The following PDE3A variants were observed in gnomAD, a reference collection of about 807,000 sequenced individuals.
PDE3A encodes the protein phosphodiesterase 3A.
PDE3A carries 43 observed loss-of-function variants against 98.3 expected under a neutral mutation model. The ratio of observed to expected loss-of-function variants is 0.44; its 90% CI spans 0.34 to 0.56. PDE3A has a LOEUF of 0.56. Ranked by LOEUF, PDE3A falls within the 20% of genes least tolerant of loss-of-function variation. The pLI is 0.01. For missense variants in PDE3A, 1,427 were observed against 1,440.7 expected (o/e 0.99, Z 0.15); for synonymous variants, 663 against 567.9 (o/e 1.17, Z -2.38).
rs1265923346 is a variant in PDE3A at position 20,448,751 on chromosome 12, G to GTTTTTTTTTTTT, written c.960+78507_960+78508insTTTTTTTTTTTT. On this transcript the variant is annotated intron_variant, in intron 1 of 15. Coordinates refer to ENST00000359062, the MANE Select transcript of PDE3A (RefSeq NM_000921.5). Reference sequence around the variant, plus strand: ...ACATTATTTAAAGTTTTTATTTTAAGGTTTTTTTTTTTTTTTGAGATGGAG... The same window carrying GTTTTTTTTTTTT: ...ACATTATTTAAAGTTTTTATTTTAAGTTTTTTTTTTTTGTTTTTTTTTTTTTTTGAGATGGAG... Among the ~76,000 whole-genome samples the GTTTTTTTTTTTT allele has an allele frequency of 8.9e-5, 12 of 134,378 alleles. 1 individual carries two copies. The highest frequency in any genetic ancestry group is 2.6e-4 in the East Asian group (1 of 3,786). 88.2% of individuals were successfully genotyped at this position (134,378 alleles called of 152,430 possible).
intron 15 of PDE3A, among the ~76,000 whole-genome samples, chr12:20,674,689 T>C (rs1399251745): frequency 6.6e-6 from 1 of 152,132 alleles, no homozygotes; most frequent in Non-Finnish European, 1.5e-5. Context: ...GGTATATGTG[T>C]CCAGGAATTT....
At chr12:20,679,139 T>A (rs1945707987) in intron 15 of PDE3A, among the ~76,000 whole-genome samples, 1 of 152,188 alleles carries the variant, frequency 6.6e-6, no homozygotes, top group Non-Finnish European at 1.5e-5. Flanking sequence ...CAAAGAACAT[T>A]TCAGGATAGA....
intron 1 of PDE3A, among the ~76,000 whole-genome samples, chr12:20,484,718 G>A (rs1945694985): frequency 6.6e-6 from 1 of 152,058 alleles, no homozygotes; most frequent in South Asian, 2.1e-4. Flanking sequence ...CTTTGAAATG[G>A]CCTCAGAATT....
chr12:20,654,304 C>T (rs539937283), intron 15 of PDE3A, 99 bp downstream of exon 15: 4 of 1,142,778 alleles, frequency 3.5e-6, no homozygotes, highest in Middle Eastern at 2.3e-4. Flanking sequence ...TACTTCAAGT[C>T]TAAACATCAT....
intron 1 of PDE3A, among the ~76,000 whole-genome samples, chr12:20,381,156 C>T (rs536013284): frequency 6.6e-6 from 1 of 151,804 alleles, no homozygotes; most frequent in Non-Finnish European, 1.5e-5. Context: ...AGAGCTACAG[C>T]TAGAGCTTTT....
intron 9 of PDE3A, among the ~76,000 whole-genome samples, chr12:20,639,234 G>A (rs1944591756): frequency 6.6e-6 from 1 of 152,030 alleles, no homozygotes; most frequent in African/African-American, 2.4e-5. Flanking sequence ...TTTTCTAAGA[G>A]TCATGGATAC....
At chr12:20,483,595 A>G (rs1246964879) in intron 1 of PDE3A, among the ~76,000 whole-genome samples, 1 of 152,216 alleles carries the variant, frequency 6.6e-6, no homozygotes, top group African/African-American at 2.4e-5. Context: ...GACGTATTTT[A>G]TTAAAATGTA....
chr12:20,581,350 T>A (rs1943058717), intron 2 of PDE3A, among the ~76,000 whole-genome samples: 1 of 152,092 alleles, frequency 6.6e-6, no homozygotes, highest in Non-Finnish European at 1.5e-5. Context: ...TGCTAAAGGG[T>A]CATCAAGCAG....
Position 20,688,525 on chromosome 12 carries a change from TTATCTA to T in PDE3A, c.*8256_*8261del, listed in dbSNP as rs2120541011. 6.6e-6 allele frequency among the ~76,000 whole-genome samples: 1 copy of T among 151,960 alleles called. No individual in the cohort carries two copies. The highest frequency in any genetic ancestry group is 2.4e-5 in the African/African-American group (1 of 41,520). On this transcript the variant is annotated 3_prime_UTR_variant, in exon 16 of 16. Transcript: ENST00000359062. ...AAAATTATTAAAATTATGTCCTAGA[TTATCTA>T]TGTCGATGTTATGAGTGAAGATAAT...
intron 1 of PDE3A, among the ~76,000 whole-genome samples, chr12:20,516,706 A>G (rs1271120988): frequency 6.6e-6 from 1 of 152,218 alleles, no homozygotes; most frequent in Non-Finnish European, 1.5e-5. Context: ...CCATTATGCT[A>G]TGGCCTCTTT....
chr12:20,487,133 A>C (rs1465988265), intron 1 of PDE3A, among the ~76,000 whole-genome samples: 1 of 132,606 alleles, frequency 7.5e-6, no homozygotes, highest in Non-Finnish European at 1.6e-5. Flanking sequence ...GCATAATATA[A>C]TATTAAATTT....
intron 1 of PDE3A, among the ~76,000 whole-genome samples, chr12:20,482,093 A>C (rs150253604): frequency 6.6e-6 from 1 of 152,082 alleles, no homozygotes; most frequent in Non-Finnish European, 1.5e-5. Flanking sequence ...AAGGTCCCCA[A>C]GTAATTTTCT....
At chr12:20,453,140 A>G (rs1170145490) in intron 1 of PDE3A, among the ~76,000 whole-genome samples, 1 of 143,202 alleles carries the variant, frequency 7.0e-6, no homozygotes, top group Non-Finnish European at 1.5e-5. Flanking sequence ...CAGATTTGTG[A>G]TTGACTGGTT....
At chr12:20,395,511 G>GTATACTATGTGTACACATAGTATAATATA (rs1565535687) in intron 1 of PDE3A, among the ~76,000 whole-genome samples, 1 of 144,214 alleles carries the variant, frequency 6.9e-6, no homozygotes, top group Non-Finnish European at 1.5e-5. Flanking sequence ...AGTATAATAT[G>GTATACTATGTGTACACATAGTATAATATA]TATACTATGT....
At chr12:20,574,421 G>C (rs1200651321) in intron 2 of PDE3A, among the ~76,000 whole-genome samples, 1 of 152,060 alleles carries the variant, frequency 6.6e-6, no homozygotes, top group East Asian at 1.9e-4. Flanking sequence ...ATGTATACGT[G>C]ACCTTAATGA....
chr12:20,628,122 G>A (rs2121501324), intron 5 of PDE3A, among the ~76,000 whole-genome samples: 1 of 152,210 alleles, frequency 6.6e-6, no homozygotes, highest in East Asian at 1.9e-4. Context: ...AGCTATTAGA[G>A]ATAATATTAA....
intron 1 of PDE3A, among the ~76,000 whole-genome samples, chr12:20,400,424 T>A (rs1353237007): frequency 9.7e-6 from 1 of 102,710 alleles, no homozygotes; most frequent in African/African-American, 3.7e-5. Flanking sequence ...TTTTTTTTTT[T>A]GAGATGGAGT....
intron 12 of PDE3A, among the ~76,000 whole-genome samples, chr12:20,647,864 T>C (rs1330819098): frequency 6.6e-6 from 1 of 152,058 alleles, no homozygotes; most frequent in Non-Finnish European, 1.5e-5. Context: ...GCCAGGATAA[T>C]TTACCATTCA....
At chr12:20,546,174 T>G (rs1942052574) in intron 1 of PDE3A, among the ~76,000 whole-genome samples, 1 of 152,018 alleles carries the variant, frequency 6.6e-6, no homozygotes, top group African/African-American at 2.4e-5. Context: ...CCACCTGTAT[T>G]AGGTCTTTCT....
Sources: allele counts gnomAD v4.1 joint callset (sites outside exome capture counted in the v4.1 genomes callset), GRCh38; gene constraint gnomAD v4.1.1; transcripts MANE v1.5; gene names NCBI Gene and HGNC (gene_info 2026-07-23, HGNC 2026-07-21).